Variants in IFFO2 observed in about 807,000 individuals in gnomAD.
IFFO2 encodes intermediate filament family orphan 2.
A neutral mutation model predicts 53.5 loss-of-function variants in IFFO2; 19 were observed. That is an observed-to-expected ratio of 0.36 (90% CI 0.25 to 0.52). The LOEUF (loss-of-function observed/expected upper bound fraction) is 0.52, where lower values mean the gene tolerates loss of function less well. IFFO2 is among the 20% of genes least tolerant of loss of function. The pLI, the probability that IFFO2 is intolerant of heterozygous loss-of-function variation, is 0.94. For missense variants in IFFO2, 570 were observed against 727.4 expected, an observed-to-expected ratio of 0.78 and a Z score of 2.49; for synonymous variants, 303 against 313.6, an observed-to-expected ratio of 0.97 and a Z score of 0.36.
rs976372783 is a variant in IFFO2 at position 18,936,482 on chromosome 1, G to T, written c.666-15361C>A. ...TGGGCAGCAGGTCTTTGGGCACTCA[G>T]GTCAAGAGGCAGGAGGCCCAGGGGG... is the stretch of plus-strand genomic sequence containing the variant. On this transcript the variant is annotated intron_variant, in intron 1 of 8. Transcript: ENST00000455833. This position sits in a 1 kb window ranked among gnomAD's most constrained non-coding sequence, Gnocchi z 4.5. 1.3e-5 allele frequency among the ~76,000 whole-genome samples: 2 copies of T among 152,220 alleles called. No individual in the cohort carries two copies. Among genetic ancestry groups the T allele is most frequent in the Admixed American group, 6.5e-5 (1 of 15,284 alleles).
intron 1 of IFFO2, among the ~76,000 whole-genome samples, chr1:18,938,517 C>A (rs1936478170): frequency 6.6e-6 from 1 of 152,228 alleles, no homozygotes; most frequent in South Asian, 2.1e-4. Flanking sequence ...CGTAGGCCCT[C>A]AACCGCTACT....
In IFFO2 at chr1:18,955,722, G is replaced by C. The variant is rs1426999831; in HGVS notation, c.611C>G (p.Ala204Gly). 6.3e-7 allele frequency: 1 copy of C among 1,595,264 alleles called. No individual in the cohort carries two copies. The highest frequency in any genetic ancestry group is 8.5e-7 in the Non-Finnish European group (1 of 1,173,916). Reference sequence around the variant, plus strand: ...CACCTTGGCCAGCACGTTGTAGAGCGCGCGGATCTCCGGCGTGATGGTGTC... The same window carrying C: ...CACCTTGGCCAGCACGTTGTAGAGCCCGCGGATCTCCGGCGTGATGGTGTC... ...QIDTITPEIR[A>G]LYNVLAKVKR... The change falls in exon 1 of 9, where the codon GCG becomes GGG. Residue 204 changes from alanine (A) to glycine (G), a missense_variant. Coordinates refer to ENST00000455833, the MANE Select transcript of IFFO2 (RefSeq NM_001136265.2).
intron 1 of IFFO2, among the ~76,000 whole-genome samples, chr1:18,930,908 C>T (rs865991521): frequency 4.6e-5 from 7 of 152,190 alleles, no homozygotes; most frequent in East Asian, 1.9e-4. Flanking sequence ...TGGTGGCTCA[C>T]GGCTGTAATC....
chr1:18,948,204 C>T (rs1165991008), intron 1 of IFFO2, among the ~76,000 whole-genome samples: 2 of 152,206 alleles, frequency 1.3e-5, no homozygotes, highest in African/African-American at 2.4e-5. Context: ...AAAATGTTTT[C>T]CTACTGCACT....
chr1:18,921,191 C>T, intron 1 of IFFO2, 70 bp from the exon 2 acceptor site: 1 of 1,287,242 alleles, frequency 7.8e-7, no homozygotes, highest in Non-Finnish European at 1.1e-6. Flanking sequence ...TCAGACACAA[C>T]CCCAACACCC....
Position 18,921,072 on chromosome 1 carries a change from T to A in IFFO2, c.715A>T (p.Thr239Ser). Reference protein sequence around the residue: ...KRMNLQTMVDTLQEAAQEADA... With the variant: ...KRMNLQTMVDSLQEAAQEADA... ...CGGAGGGCTCTTACCTCCTGCAGCG[T>A]GTCCACCATGGTCTGAAGGTTCATG... The change falls in exon 2 of 9, where the codon ACG becomes TCG. Residue 239 changes from threonine (T) to serine (S), a missense_variant. By Grantham distance (58) the Thr-to-Ser change is moderately conservative. Coordinates refer to ENST00000455833, the MANE Select transcript of IFFO2 (RefSeq NM_001136265.2). 1 of 1,551,968 alleles carries A rather than the reference T, an allele frequency of 6.4e-7. No homozygotes were observed. Among genetic ancestry groups the A allele is most frequent in the Non-Finnish European group, 8.7e-7 (1 of 1,147,014 alleles).
At chr1:18,920,618 G>C (rs777704484) in intron 2 of IFFO2, among the ~76,000 whole-genome samples, 12 of 152,220 alleles carry the variant, frequency 7.9e-5, no homozygotes, top group Admixed American at 2.0e-4. Context: ...CCACCACAGA[G>C]AGCCTGCTCA....
Position 18,916,795 on chromosome 1 carries a change from C to A in IFFO2, c.1103+108G>T, listed in dbSNP as rs1557639824. 1 of 1,309,452 alleles carries A rather than the reference C, an allele frequency of 7.6e-7. No individual in the cohort carries two copies. The highest frequency in any genetic ancestry group is 1.5e-5 in the South Asian group (1 of 66,158). The allele number at this position is 1,309,452 out of a possible 1,614,324, so 81.1% of individuals were successfully genotyped here. A position where few individuals can be genotyped will look rare whatever the true frequency, so the allele number is the denominator to read the frequency against. ...CTCAAAAAAAAAAAGGAAATGAATTCAAATTCTTCCAGTGCTGCAGGCTAC... is the reference window on the plus strand; with the variant it reads ...CTCAAAAAAAAAAAGGAAATGAATTAAAATTCTTCCAGTGCTGCAGGCTAC... On this transcript the variant is annotated intron_variant, in intron 5 of 8. Transcript: ENST00000455833. This position sits in a 1 kb window ranked among gnomAD's most constrained non-coding sequence, Gnocchi z 4.3.
chr1:18,911,704 A>G (rs1936043353), intron 6 of IFFO2, among the ~76,000 whole-genome samples: 1 of 151,748 alleles, frequency 6.6e-6, no homozygotes, highest in Admixed American at 6.6e-5. Context: ...AGGCCTGGCT[A>G]ATTTTTATAT....
At chr1:18,948,187 C>G (rs1936614049) in intron 1 of IFFO2, among the ~76,000 whole-genome samples, 1 of 152,224 alleles carries the variant, frequency 6.6e-6, no homozygotes, top group South Asian at 2.1e-4. Context: ...TTTTCAAATC[C>G]TTTTGCAAAA....
chr1:18,942,985 C>G (rs1203143381), intron 1 of IFFO2, among the ~76,000 whole-genome samples: 1 of 151,824 alleles, frequency 6.6e-6, no homozygotes, highest in South Asian at 2.1e-4. Flanking sequence ...ATTACAGGCT[C>G]GTGCCACCAC....
intron 1 of IFFO2, among the ~76,000 whole-genome samples, chr1:18,944,070 C>T (rs1936555543): frequency 6.6e-6 from 1 of 152,176 alleles, no homozygotes; most frequent in Non-Finnish European, 1.5e-5. Flanking sequence ...ACCTGGGTTC[C>T]GGCCCCTGCT....
rs1421035213 is a variant in IFFO2, at chr1:18,917,024, C to G, written c.982G>C (p.Glu328Gln). The G allele has an allele frequency of 6.4e-7, 1 of 1,552,180 alleles. No individual in the cohort carries two copies. The highest frequency in any genetic ancestry group is 1.4e-5 in the African/African-American group (1 of 73,052). Residue 328 changes from glutamate (E) to glutamine (Q), a missense_variant, in exon 5 of 9, where the codon GAG becomes CAG. Transcript: ENST00000455833. The surrounding 1 kb of genome is among the most constrained non-coding windows in gnomAD (Gnocchi z 5.9). ...TCATCATCGGAAGCCACCTTACGCT[C>G]TTTCTTTTTGGGGACCACCTGAACC... ...KIFQVVPKKKERKVASDDDIS... is the reference protein window; with the variant it reads ...KIFQVVPKKKQRKVASDDDIS...
intron 1 of IFFO2, among the ~76,000 whole-genome samples, chr1:18,933,976 G>A (rs1936412234): frequency 1.3e-5 from 2 of 148,536 alleles, no homozygotes; most frequent in African/African-American, 2.5e-5. Flanking sequence ...TTCTGTCTCT[G>A]TGGATTCGAC....
At chr1:18,915,148 G>T (rs912417877) in intron 5 of IFFO2, among the ~76,000 whole-genome samples, 2 of 152,132 alleles carry the variant, frequency 1.3e-5, no homozygotes, top group Admixed American at 6.5e-5. Flanking sequence ...AGAGTTGGGG[G>T]CCTGGCTCTG....
intron 1 of IFFO2, among the ~76,000 whole-genome samples, chr1:18,945,543 G>A: frequency 6.6e-6 from 1 of 152,370 alleles, no homozygotes; most frequent in East Asian, 1.9e-4. Flanking sequence ...AATTAAGAGG[G>A]CGGAAGGCGC....
chr1:18,951,944 G>A (rs1936664691), intron 1 of IFFO2, among the ~76,000 whole-genome samples: 7 of 152,180 alleles, frequency 4.6e-5, no homozygotes. Flanking sequence ...TAGAGAGCAA[G>A]CTGAGAGAGA....
intron 1 of IFFO2, among the ~76,000 whole-genome samples, chr1:18,926,064 G>GGATA (rs1936290345): frequency 9.1e-6 from 1 of 110,170 alleles, no homozygotes; most frequent in Non-Finnish European, 2.0e-5. Context: ...TTGGTTGGAT[G>GGATA]GATGGATGGA....
chr1:18,955,918 C>A lies in IFFO2; in HGVS notation c.415G>T (p.Ala139Ser). Residue 139 changes from alanine (A) to serine (S), a missense_variant, in exon 1 of 9, where the codon GCC (alanine) becomes TCC (serine). Transcript: ENST00000455833. Reference protein sequence around the residue: ...AAAGANANAVALGGLPPGGGS... With the variant: ...AAAGANANAVSLGGLPPGGGS... Reference sequence around the variant, plus strand: ...CCGCCGGGGGGCAGGCCGCCCAGGGCCACGGCATTGGCGTTGGCGCCGGCC... The same window carrying A: ...CCGCCGGGGGGCAGGCCGCCCAGGGACACGGCATTGGCGTTGGCGCCGGCC... The A allele has an allele frequency of 7.6e-7, 1 of 1,321,400 alleles. No individual in the cohort carries two copies. Among genetic ancestry groups the A allele is most frequent in the Non-Finnish European group, 9.6e-7 (1 of 1,044,370 alleles). The allele number at this position is 1,321,400 out of a possible 1,614,324, so 81.9% of individuals were successfully genotyped here.
Sources: allele counts gnomAD v4.1 joint callset (sites outside exome capture counted in the v4.1 genomes callset), GRCh38; gene constraint gnomAD v4.1.1; non-coding constraint Gnocchi (gnomAD v3.1); transcripts MANE v1.5; gene names NCBI Gene and HGNC (gene_info 2026-07-23, HGNC 2026-07-21).